Variants in CCR6 observed in about 807,000 individuals in gnomAD.
CCR6 encodes C-C chemokine receptor type 6.
CCR6 carries 2 observed loss-of-function variants against 3.0 expected under a neutral mutation model. The ratio of observed to expected loss-of-function variants is 0.66; its 90% CI spans 0.27 to 2.07. CCR6 has a LOEUF of 2.07. CCR6 is among the 30% of genes most tolerant of loss of function. CCR6 has a pLI of 0.14. For synonymous variants in CCR6, 193 were observed against 184.3 expected, an observed-to-expected ratio of 1.05 and a Z score of -0.38; for missense variants, 322 against 462.8, an observed-to-expected ratio of 0.70 and a Z score of 2.79.
chr6:167,119,176 C>T (rs1781547386), upstream of CCR6: 1 of 152,574 alleles, frequency 6.6e-6, no homozygotes, highest in South Asian at 2.1e-4. Flanking sequence ...GCCTTCCTCC[C>T]CCTGCCTACC....
chr6:167,125,943 A>G (rs1381800421), intron 1 of CCR6, among the ~76,000 whole-genome samples: 2 of 152,244 alleles, frequency 1.3e-5, no homozygotes, highest in Non-Finnish European at 2.9e-5. Flanking sequence ...GTGTGATAAC[A>G]AGATCTTTGA....
chr6:167,118,890 C>G (rs896386701), upstream of CCR6, among the ~76,000 whole-genome samples: 2 of 152,138 alleles, frequency 1.3e-5, no homozygotes, highest in East Asian at 1.9e-4. Flanking sequence ...CCCTTGGTCC[C>G]GGCTCCCTTC....
At chr6:167,129,081 G>T (rs2114926043) in intron 1 of CCR6, among the ~76,000 whole-genome samples, 1 of 152,222 alleles carries the variant, frequency 6.6e-6, no homozygotes, top group African/African-American at 2.4e-5. Flanking sequence ...AGAAGCAATG[G>T]GCAGGACACA....
intron 1 of CCR6, among the ~76,000 whole-genome samples, chr6:167,113,916 T>C (rs1781452054): frequency 6.6e-6 from 1 of 151,864 alleles, no homozygotes; most frequent in African/African-American, 2.4e-5. Context: ...GATGGATAGA[T>C]GAAGAAAGGG....
chr6:167,120,052 T>G (rs921046269), upstream of CCR6, among the ~76,000 whole-genome samples: 4 of 152,150 alleles, frequency 2.6e-5, no homozygotes, highest in African/African-American at 9.7e-5. Flanking sequence ...ACAATGAGAG[T>G]AGAAAACTGC....
chr6:167,132,097 T>C (rs908098009), intron 1 of CCR6, among the ~76,000 whole-genome samples: 3 of 152,230 alleles, frequency 2.0e-5, no homozygotes, highest in African/African-American at 7.2e-5. Flanking sequence ...TGGTCTCTTC[T>C]GCCTGGATTT....
At chr6:167,122,138 C>CG (rs1038561926), upstream of CCR6, among the ~76,000 whole-genome samples, 3 of 152,106 alleles carry the variant, frequency 2.0e-5, no homozygotes, top group Non-Finnish European at 4.4e-5. The surrounding 1 kb of genome is among the most constrained non-coding windows in gnomAD (Gnocchi z 4.2). Context: ...AGCTGGGCAG[C>CG]GGGCAGTGGA....
intron 1 of CCR6, among the ~76,000 whole-genome samples, chr6:167,129,771 G>T (rs1371466848): frequency 6.6e-6 from 1 of 151,650 alleles, no homozygotes; most frequent in Non-Finnish European, 1.5e-5. Context: ...ATGCCATAGT[G>T]TGCCCGCCCT....
chr6:167,115,641 C>T (rs529297972), intron 1 of CCR6: 28 of 152,296 alleles, frequency 1.8e-4, no homozygotes, highest in African/African-American at 6.7e-4. Context: ...TATCTGGAAA[C>T]GTCTAGAAGG....
At chr6:167,130,975 C>CCCCCTCCCTCCGGG (rs1491335734) in intron 1 of CCR6, among the ~76,000 whole-genome samples, 3 of 131,192 alleles carry the variant, frequency 2.3e-5, no homozygotes, top group Admixed American at 8.6e-5. Context: ...CCTCTGGGAC[C>CCCCCTCCCTCCGGG]ACCCTCCCTC....
rs1781888252 is a variant in CCR6, at chr6:167,138,735, G to T, written c.*1380G>T. 2 of 152,188 alleles carry T rather than the reference G, an allele frequency of 1.3e-5. No homozygotes were observed. The highest frequency in any genetic ancestry group is 4.8e-5 in the African/African-American group (2 of 41,408). 9.4% of individuals were successfully genotyped at this position (152,188 alleles called of 1,614,324 possible). On this transcript the variant is annotated 3_prime_UTR_variant, in exon 3 of 3. Transcript: ENST00000341935. The stretch of plus-strand genomic sequence containing the variant: ...ACTTGAGGTCAGGAGTTTGAGACCA[G>T]CCTGGCCAACATGGCGAAACCCCTC...
In CCR6 at chr6:167,136,221, A is replaced by G. The variant is rs376737549; in HGVS notation, c.10-19A>G. The G allele has an allele frequency of 1.2e-6, 2 of 1,607,348 alleles. No individual in the cohort carries two copies. The highest frequency in any genetic ancestry group is 2.7e-5 in the African/African-American group (2 of 74,674). On this transcript the variant is annotated intron_variant, in intron 2 of 2. Transcript: ENST00000341935. The surrounding 1 kb of genome is among the most constrained non-coding windows in gnomAD (Gnocchi z 4.6). ...TGAACACTACACTGCAGCTAACTCTATCTTTGTTTCCTTTCCAGGAATCAA... is the reference window on the plus strand; with the variant it reads ...TGAACACTACACTGCAGCTAACTCTGTCTTTGTTTCCTTTCCAGGAATCAA...
intron 1 of CCR6, among the ~76,000 whole-genome samples, chr6:167,114,312 C>A (rs1781461242): frequency 6.6e-6 from 1 of 152,180 alleles, no homozygotes; most frequent in Non-Finnish European, 1.5e-5. Context: ...GGTTATAAAT[C>A]ACGTGACTTA....
At chr6:167,132,992 G>A (rs984035972) in intron 1 of CCR6, among the ~76,000 whole-genome samples, 2 of 152,114 alleles carry the variant, frequency 1.3e-5, no homozygotes, top group Non-Finnish European at 1.5e-5. Context: ...ATAGGGAGTT[G>A]TAAAAATTAT....
rs1432942316 is a variant in CCR6 at position 167,136,813 on chromosome 6, G to A, written c.583G>A (p.Asp195Asn). The change falls in exon 3 of 3, where the codon GAT becomes AAT. Residue 195 changes from aspartate to asparagine, a missense_variant. Transcript: ENST00000341935. This position sits in a 1 kb window ranked among gnomAD's most constrained non-coding sequence, Gnocchi z 4.6. ...CCAAAAATACAACACCCAAGGCAGC[G>A]ATGTCTGTGAACCCAAGTACCAGAC... ...FNQKYNTQGSDVCEPKYQTVS... is the reference protein window; with the variant it reads ...FNQKYNTQGSNVCEPKYQTVS... The A allele has an allele frequency of 4.3e-6, 7 of 1,613,968 alleles. No individual in the cohort carries two copies. The highest frequency in any genetic ancestry group is 4.5e-5 in the East Asian group (2 of 44,902).
intron 1 of CCR6, chr6:167,126,198 C>T (rs1226700078): frequency 1.3e-5 from 2 of 152,012 alleles, no homozygotes; most frequent in Admixed American, 6.5e-5. Context: ...AAGACCCCAT[C>T]TCTAAAAAAA....
intron 1 of CCR6, among the ~76,000 whole-genome samples, chr6:167,130,846 C>T (rs903475826): frequency 3.4e-5 from 5 of 145,488 alleles, no homozygotes; most frequent in Non-Finnish European, 5.9e-5. Context: ...ACGGAGTAGG[C>T]CAGCTTCTCA....
chr6:167,116,659 C>T (rs2114910291), intron 1 of CCR6: 1 of 152,828 alleles, frequency 6.5e-6, no homozygotes, highest in East Asian at 1.9e-4. Context: ...CCCCTCATTT[C>T]CAGTGGCCCT....
At position 167,123,146 on chromosome 6, in the gene CCR6, T is replaced by C. The variant is rs1473621331; in HGVS notation, c.-175T>C. On this transcript the variant is annotated 5_prime_UTR_variant, in exon 1 of 3. Coordinates refer to ENST00000341935, the MANE Select transcript of CCR6 (RefSeq NM_031409.4). ...GCTGCATCTTATTGACAGATGGTCA[T>C]CACATTGGTGAGCTGGAGTCATCAG... 2.0e-5 allele frequency: 3 copies of C among 152,770 alleles called. No individual in the cohort carries two copies. The highest frequency in any genetic ancestry group is 6.5e-5 in the Admixed American group (1 of 15,272). The allele number at this position is 152,770 out of a possible 1,614,324, so 9.5% of individuals were successfully genotyped here.
Sources: allele counts gnomAD v4.1 joint callset (sites outside exome capture counted in the v4.1 genomes callset), GRCh38; gene constraint gnomAD v4.1.1; non-coding constraint Gnocchi (gnomAD v3.1); transcripts MANE v1.5; gene names NCBI Gene and HGNC (gene_info 2026-07-23, HGNC 2026-07-21).